ABCA2: variants seen among roughly 807,000 people sequenced by gnomAD.
The protein encoded by ABCA2 is ATP-binding cassette sub-family A member 2.
Under a neutral mutation model 262.8 loss-of-function variants are expected in ABCA2, and 84 were observed. That is an observed-to-expected ratio of 0.32 (90% confidence interval 0.27 to 0.38). The LOEUF (loss-of-function observed/expected upper bound fraction) is 0.38. Among genes scored for constraint, ABCA2 ranks in the 10% least tolerant of loss-of-function variants. The pLI, the probability that ABCA2 is intolerant of heterozygous loss-of-function variation, is 1.00. For synonymous variants in ABCA2, 1,696 were observed against 1,502.9 expected (o/e 1.13, Z -2.97); for missense variants, 2,662 against 3,405.9 (o/e 0.78, Z 5.44).
intron 25 of ABCA2, 48 bp downstream of exon 25, chr9:137,014,865 C>T (rs763318481): frequency 8.3e-6 from 13 of 1,575,420 alleles, no homozygotes; most frequent in African/African-American, 2.7e-5. Context: ...CAGGAGTGCG[C>T]CCACCTCCAC....
Position 137,010,222 on chromosome 9 carries a change from C to G in ABCA2, c.6324G>C (p.Thr2108=), listed in dbSNP as rs749825558. 10 of 1,605,484 alleles carry G rather than the reference C, an allele frequency of 6.2e-6. No homozygotes were observed. In the Middle Eastern group the frequency reaches 8.3e-4, roughly 133 times the overall value. Residue 2108 remains threonine, a synonymous_variant, in exon 41 of 49, where the codon ACG becomes ACC. Coordinates refer to ENST00000341511, the MANE Select transcript of ABCA2 (RefSeq NM_001606.5). ...FKMLTGDEST[T]GGEAFVNGHS... is the part of the protein sequence containing the mutation. ...GTCCATTGACGAAGGCCTCGCCCCC[C>G]GTCGTGCTCTCGTCGCCGGTCAGCA...
At position 137,009,004 on chromosome 9, in the gene ABCA2, C is replaced by T. The variant is rs1446189287; in HGVS notation, c.6877G>A (p.Val2293Met). The change falls in exon 46 of 49, where the codon GTG (valine) becomes ATG (methionine). Residue 2293 changes from valine (V) to methionine (M), a missense_variant. By Grantham distance (21) the Val-to-Met change is conservative (BLOSUM62 1). Coordinates refer to ENST00000341511, the MANE Select transcript of ABCA2 (RefSeq NM_001606.5). The part of the protein sequence containing the change: ...ITVRTKSSQS[V>M]KDVVRFFNRN... ...TTGAAGAACCGCACCACGTCCTTCA[C>T]ACTCTGGCTGCTCTTGGTCCGCACC... 3.1e-6 allele frequency: 5 copies of T among 1,609,104 alleles called. No individual in the cohort carries two copies. The East Asian group carries it at 6.7e-5, about 22-fold the overall frequency.
At chr9:137,010,397 G>T in intron 40 of ABCA2, 26 bp from the exon 41 acceptor site, 1 of 1,551,982 alleles carries the variant, frequency 6.4e-7, no homozygotes. Flanking sequence ...CCCACTCAGC[G>T]GGGCATCCTG....
rs567911668 is a variant in ABCA2, at chr9:137,009,758, C to T, written c.6630+11G>A. Reference sequence around the variant, plus strand: ...GGCCAGGCAGCCACCCCCCACCCACCCAGGACTTACCAGGAAGATGAAGGC... The same window carrying T: ...GGCCAGGCAGCCACCCCCCACCCACTCAGGACTTACCAGGAAGATGAAGGC... On this transcript the variant is annotated intron_variant, in intron 43 of 48. Transcript: ENST00000341511. 6 of 1,610,394 alleles carry T rather than the reference C, an allele frequency of 3.7e-6. No homozygotes were observed. In the South Asian group the frequency reaches 6.6e-5, roughly 18 times the overall value.
chr9:137,013,796 G>A (rs1831156378), intron 28 of ABCA2, 36 bp downstream of exon 28: 1 of 1,570,256 alleles, frequency 6.4e-7, no homozygotes, highest in Non-Finnish European at 8.6e-7. Context: ...GGTGGGGGGA[G>A]GCAAGCCCAG....
chr9:137,009,693 C>T (rs779635462), intron 43 of ABCA2, 49 bp from the exon 44 acceptor site: 9 of 1,611,860 alleles, frequency 5.6e-6, no homozygotes, highest in Non-Finnish European at 7.6e-6. Flanking sequence ...CACACCCCAG[C>T]CTGAACGCTG....
At position 137,016,664 on chromosome 9, in the gene ABCA2, C is replaced by A. The variant is rs748158100; in HGVS notation, c.2833G>T (p.Ala945Ser). 45 of 1,602,514 alleles carry A rather than the reference C, an allele frequency of 2.8e-5. No homozygotes were observed. Among genetic ancestry groups the A allele is most frequent in the South Asian group, 1.7e-4 (15 of 89,814 alleles). ...SYWLGSGRTE[A>S]WEWSWPWART... ...GCCCACGGCCAGCTCCACTCCCAGG[C>A]TTCTGTCCGCCCACTGCCCAGCCAG... is the stretch of plus-strand genomic sequence containing the variant. The change falls in exon 20 of 49, where the codon GCC becomes TCC. Residue 945 changes from alanine (A) to serine (S), a missense_variant. Ala to Ser is a moderately conservative substitution (Grantham distance 99). Coordinates refer to ENST00000341511, the MANE Select transcript of ABCA2 (RefSeq NM_001606.5).
chr9:137,015,793 C>G lies in ABCA2; in HGVS notation c.3396G>C (p.Leu1132=). ...QTLSGGMKRK[L]SVAIAFVGGS... ...CGCCCACGAAGGCGATGGCCACGGA[C>G]AGCTTGCGCTTCATGCCACCCGACA... Residue 1132 remains leucine (L), a synonymous_variant, in exon 23 of 49, where the codon CTG becomes CTC. Coordinates refer to ENST00000341511, the MANE Select transcript of ABCA2 (RefSeq NM_001606.5). The G allele has an allele frequency of 6.2e-7, 1 of 1,612,424 alleles. No individual in the cohort carries two copies. Among genetic ancestry groups the G allele is most frequent in the Non-Finnish European group, 8.5e-7 (1 of 1,179,818 alleles).
rs762318800 is a variant in ABCA2, at chr9:137,019,026, T to C, written c.1599A>G (p.Ser533=). ...LRLHPEALNL[S]LDELPPALRQ... ...TCAGGGCCGGCGGCAGCTCATCCAG[T>C]GACAGGTTCAGTGCCTCGGGGTGCA... The change falls in exon 12 of 49, where the codon TCA becomes TCG. Residue 533 remains serine, a synonymous_variant. Coordinates refer to ENST00000341511, the MANE Select transcript of ABCA2 (RefSeq NM_001606.5). This position sits in a 1 kb window ranked among gnomAD's most constrained non-coding sequence, Gnocchi z 4.4. 6.2e-6 allele frequency: 10 copies of C among 1,612,524 alleles called. No individual in the cohort carries two copies. In the Admixed American group the frequency reaches 1.5e-4, roughly 24 times the overall value.
In ABCA2 at chr9:137,017,489, G is replaced by A; in HGVS notation, c.2402+13C>T. On this transcript the variant is annotated intron_variant, in intron 17 of 48. Transcript: ENST00000341511. ...GCCTGCCCCAGGTCCCTCCTACCAT[G>A]GCCCGCGCTCACCAGAACATGATGG... is the stretch of plus-strand genomic sequence containing the variant. 1 of 1,604,012 alleles carries A rather than the reference G, an allele frequency of 6.2e-7. No individual in the cohort carries two copies. The highest frequency in any genetic ancestry group is 1.7e-4 in the Middle Eastern group (1 of 6,036).
At chr9:137,013,380 C>T in intron 29 of ABCA2, 62 bp from the exon 30 acceptor site, 1 of 1,524,592 alleles carries the variant, frequency 6.6e-7, no homozygotes, top group Non-Finnish European at 8.8e-7. Flanking sequence ...GCCCCGCCCC[C>T]TCGCCCGCCT....
chr9:137,023,264 G>T, intron 3 of ABCA2: 1 of 633,606 alleles, frequency 1.6e-6, no homozygotes. Flanking sequence ...CAGGTCAGAG[G>T]TCAAAGAGCC....
chr9:137,016,945 C>T lies in ABCA2; in HGVS notation c.2733G>A (p.Thr911=), dbSNP rs569058515. The change falls in exon 19 of 49, where the codon ACG becomes ACA. Residue 911 remains threonine, a synonymous_variant. Transcript: ENST00000341511. ...CTGGGTGCACAGCCTCAATGTACCACGTGAGGATGCCATAGACCACGGCGT... is the reference window on the plus strand; with the variant it reads ...CTGGGTGCACAGCCTCAATGTACCATGTGAGGATGCCATAGACCACGGCGT... ...MVDAVVYGIL[T]WYIEAVHPGM... 29 of 1,612,710 alleles carry T rather than the reference C, an allele frequency of 1.8e-5. No homozygotes were observed. Among genetic ancestry groups the T allele is most frequent in the East Asian group, 2.2e-5 (1 of 44,872 alleles).
chr9:137,027,177 G>A (rs763431086), intron 1 of ABCA2, among the ~76,000 whole-genome samples: 3 of 152,248 alleles, frequency 2.0e-5, no homozygotes, highest in Admixed American at 1.3e-4. Flanking sequence ...AACCTAAGCT[G>A]GTCCAGGCCT....
rs773629012 is a variant in ABCA2 at position 137,008,941 on chromosome 9, G to T, written c.6930+10C>A. On this transcript the variant is annotated intron_variant, in intron 46 of 48. Coordinates refer to ENST00000341511, the MANE Select transcript of ABCA2 (RefSeq NM_001606.5). ...GCGCCCCCTCCACAACCCTGCCCGG[G>T]ACGGCGCACCTTGAGCATGGCTTCC... is the stretch of plus-strand genomic sequence containing the variant. 6.3e-7 allele frequency: 1 copy of T among 1,596,232 alleles called. No homozygotes were observed. Among genetic ancestry groups the T allele is most frequent in the Non-Finnish European group, 8.5e-7 (1 of 1,177,132 alleles).
rs1385603426 is a variant in ABCA2, at chr9:137,022,285, C to T, written c.567+66G>A. ...CAGGCTGAGCATCCTGAGGATGGCT[C>T]AGCAACCAGGGGGCGTGGCTGGGGC... On this transcript the variant is annotated intron_variant, in intron 6 of 48. Coordinates refer to ENST00000341511, the MANE Select transcript of ABCA2 (RefSeq NM_001606.5). 4 of 1,502,308 alleles carry T rather than the reference C, an allele frequency of 2.7e-6. No homozygotes were observed. In the African/African-American group the frequency reaches 4.2e-5, roughly 16 times the overall value. 93.1% of individuals were successfully genotyped at this position (1,502,308 alleles called of 1,614,324 possible). A position where few individuals can be genotyped will look rare whatever the true frequency, so the allele number is the denominator to read the frequency against.
At chr9:137,028,433 G>T, upstream of ABCA2, 1 of 355,228 alleles carries the variant, frequency 2.8e-6, no homozygotes, top group Non-Finnish European at 3.9e-6. This position sits in a 1 kb window ranked among gnomAD's most constrained non-coding sequence, Gnocchi z 6.9. Flanking sequence ...GCGCGCCGCC[G>T]CCGGGAAGCC....
At chr9:137,026,884 T>C (rs1430857626) in intron 1 of ABCA2, among the ~76,000 whole-genome samples, 2 of 152,206 alleles carry the variant, frequency 1.3e-5, no homozygotes, top group Admixed American at 1.3e-4. Flanking sequence ...GCCTGATCCA[T>C]GGGACCCCAC....
Position 137,019,420 on chromosome 9 carries a change from C to T in ABCA2, c.1426-114G>A. On this transcript the variant is annotated intron_variant, in intron 10 of 48. Coordinates refer to ENST00000341511, the MANE Select transcript of ABCA2 (RefSeq NM_001606.5). The surrounding 1 kb of genome is among the most constrained non-coding windows in gnomAD (Gnocchi z 4.4). ...GTCCATTGCCAACAACTAACCCTCC[C>T]CACCTTTTTTTTTTTTTTTTTCCTG... 7.8e-7 allele frequency: 1 copy of T among 1,275,100 alleles called. No individual in the cohort carries two copies. The highest frequency in any genetic ancestry group is 1.1e-6 in the Non-Finnish European group (1 of 943,062). The allele number at this position is 1,275,100 out of a possible 1,614,324, so 79.0% of individuals were successfully genotyped here. A position where few individuals can be genotyped will look rare whatever the true frequency, so the allele number is the denominator to read the frequency against.
Sources: gnomAD v4.1 joint callset for allele counts (sites outside exome capture counted in the v4.1 genomes callset) on GRCh38, gnomAD v4.1.1 for gene constraint, Gnocchi (gnomAD v3.1) non-coding constraint, MANE v1.5 for transcripts, NCBI Gene and HGNC (gene_info 2026-07-23, HGNC 2026-07-21) for gene names.